The following GAB2 variants were observed in gnomAD, a reference collection of about 807,000 sequenced individuals.
GAB2 encodes the protein GRB2 associated binding protein 2.
Under a neutral mutation model 65.5 loss-of-function variants are expected in GAB2, and 26 were observed. The ratio of observed to expected loss-of-function variants is 0.40; its 90% CI spans 0.29 to 0.55. GAB2 has a LOEUF of 0.55. Ranked by LOEUF, GAB2 falls within the 20% of genes least tolerant of loss-of-function variation. GAB2 has a pLI of 0.53. For synonymous variants in GAB2, 321 were observed against 329.6 expected (o/e 0.97, Z 0.28); for missense variants, 884 against 875.8 (o/e 1.01, Z -0.12).
At chr11:78,237,652 G>T (rs1865016674) in intron 3 of GAB2, among the ~76,000 whole-genome samples, 1 of 152,088 alleles carries the variant, frequency 6.6e-6, no homozygotes, top group Non-Finnish European at 1.5e-5. Context: ...ATGTAGAAAT[G>T]AAAAATCAGT....
intron 2 of GAB2, among the ~76,000 whole-genome samples, chr11:78,258,530 A>C (rs926101104): frequency 6.6e-6 from 1 of 152,118 alleles, no homozygotes; most frequent in Admixed American, 6.5e-5. Flanking sequence ...CTCAATGAGA[A>C]ACATGTATTT....
intron 1 of GAB2, among the ~76,000 whole-genome samples, chr11:78,394,773 A>G (rs771778400): frequency 6.6e-6 from 1 of 152,160 alleles, no homozygotes; most frequent in Admixed American, 6.5e-5. Flanking sequence ...CGGCTGCCCA[A>G]TAAGCAAGTG....
Position 78,226,563 on chromosome 11 carries a change from T to G in GAB2, c.1109A>C (p.Gln370Pro). 2 of 1,498,600 alleles carry G rather than the reference T, an allele frequency of 1.3e-6. No homozygotes were observed. Among genetic ancestry groups the G allele is most frequent in the Non-Finnish European group, 1.8e-6 (2 of 1,120,718 alleles). The allele number at this position is 1,498,600 out of a possible 1,614,324, so 92.8% of individuals were successfully genotyped here. A position where few individuals can be genotyped will look rare whatever the true frequency, so the allele number is the denominator to read the frequency against. The change falls in exon 4 of 10, where the codon CAG becomes CCG. Residue 370 changes from glutamine to proline, a missense_variant. Coordinates refer to ENST00000361507, the MANE Select transcript of GAB2 (RefSeq NM_080491.3). Reference sequence around the variant, plus strand: ...ATTTTCACTGATTGGCGGTCTCTGCTGAGGACTGCCCCATCGAGGTGTTTC... The same window carrying G: ...ATTTTCACTGATTGGCGGTCTCTGCGGAGGACTGCCCCATCGAGGTGTTTC... ...QAETPRWGSP[Q>P]QRPPISENSR...
intron 2 of GAB2, among the ~76,000 whole-genome samples, chr11:78,269,327 G>A (rs944576111): frequency 2.0e-5 from 3 of 152,162 alleles, no homozygotes; most frequent in African/African-American, 4.8e-5. Context: ...AAAAGGTCAG[G>A]GAGGGAATGA....
chr11:78,305,393 A>G (rs939682214), intron 1 of GAB2, among the ~76,000 whole-genome samples: 1 of 152,224 alleles, frequency 6.6e-6, no homozygotes, highest in Non-Finnish European at 1.5e-5. Context: ...TAAAACTAAT[A>G]CAGAATGGAG....
At chr11:78,239,650 T>C (rs1442988194) in intron 3 of GAB2, among the ~76,000 whole-genome samples, 1 of 152,126 alleles carries the variant, frequency 6.6e-6, no homozygotes, top group East Asian at 1.9e-4. Context: ...CACTAGGCCT[T>C]CACCACTCCA....
At chr11:78,301,571 GA>G (rs1327659509) in intron 1 of GAB2, among the ~76,000 whole-genome samples, 4 of 152,102 alleles carry the variant, frequency 2.6e-5, no homozygotes, top group African/African-American at 7.2e-5. Context: ...GACTTCAGGT[GA>G]TCTGCCCACC....
intron 2 of GAB2, among the ~76,000 whole-genome samples, chr11:78,276,921 C>T (rs1350779265): frequency 6.6e-6 from 1 of 152,134 alleles, no homozygotes; most frequent in Non-Finnish European, 1.5e-5. Flanking sequence ...AGGTTCACGC[C>T]ATTCTCCTGC....
chr11:78,221,707 T>C lies in GAB2; in HGVS notation c.1731A>G (p.Ser577=), dbSNP rs1369604842. The C allele has an allele frequency of 7.4e-6, 12 of 1,613,074 alleles. No individual in the cohort carries two copies. The highest frequency in any genetic ancestry group is 1.3e-5 in the African/African-American group (1 of 74,866). Reference sequence around the variant, plus strand: ...GGACATAGTTCTCTTCGCTGTCTCCTGAGTCTGTGCTGGTGATGCTCTGGG... The same window carrying C: ...GGACATAGTTCTCTTCGCTGTCTCCCGAGTCTGTGCTGGTGATGCTCTGGG... The part of the protein sequence containing the change: ...ISTQSITSTD[S]GDSEENYVPM... The change falls in exon 8 of 10, where the codon TCA becomes TCG. Residue 577 remains serine (S), a synonymous_variant. Transcript: ENST00000361507.
chr11:78,395,680 G>T (rs1015805666), intron 1 of GAB2, among the ~76,000 whole-genome samples: 1 of 152,182 alleles, frequency 6.6e-6, no homozygotes, highest in Non-Finnish European at 1.5e-5. Flanking sequence ...GTTCTGACTG[G>T]AGAAAAACAC....
At position 78,280,850 on chromosome 11, in the gene GAB2, G is replaced by C. The variant is rs1156860720; in HGVS notation, c.127C>G (p.Pro43Ala). The part of the protein sequence containing the change: ...ILRSGRMSGD[P>A]DVLEYYKNDH... The stretch of plus-strand genomic sequence containing the variant: ...TTCTTGTAGTATTCCAGAACATCTG[G>C]GTCACCGCTCATCCGGCCACTCCGC... The change falls in exon 2 of 10, where the codon CCA becomes GCA. Residue 43 changes from proline (P) to alanine (A), a missense_variant. Coordinates refer to ENST00000361507, the MANE Select transcript of GAB2 (RefSeq NM_080491.3). The C allele has an allele frequency of 1.2e-6, 2 of 1,614,104 alleles. No individual in the cohort carries two copies. The highest frequency in any genetic ancestry group is 1.6e-4 in the Middle Eastern group (1 of 6,062).
At chr11:78,334,584 G>A (rs984837318) in intron 1 of GAB2, among the ~76,000 whole-genome samples, 4 of 152,202 alleles carry the variant, frequency 2.6e-5, no homozygotes, top group African/African-American at 4.8e-5. Flanking sequence ...CAAATGAGAG[G>A]ATCTCATTCT....
intron 1 of GAB2, among the ~76,000 whole-genome samples, chr11:78,358,604 A>C (rs1325477206): frequency 2.0e-5 from 3 of 151,958 alleles, no homozygotes; most frequent in African/African-American, 7.2e-5. Flanking sequence ...GTCCAGGATT[A>C]ATAATGTCCT....
chr11:78,312,378 A>G (rs1201769545), intron 1 of GAB2, among the ~76,000 whole-genome samples: 1 of 152,116 alleles, frequency 6.6e-6, no homozygotes, highest in African/African-American at 2.4e-5. Flanking sequence ...ATAAGAGTTC[A>G]TTCCATCCTT....
intron 1 of GAB2, among the ~76,000 whole-genome samples, chr11:78,337,842 A>T (rs1250844884): frequency 1.3e-5 from 2 of 152,168 alleles, no homozygotes; most frequent in East Asian, 3.8e-4. Flanking sequence ...ATTAAGTCAG[A>T]AGTAATATTA....
intron 3 of GAB2, among the ~76,000 whole-genome samples, chr11:78,241,381 A>C (rs1000062879): frequency 4.6e-5 from 7 of 152,226 alleles, no homozygotes; most frequent in Admixed American, 4.6e-4. Flanking sequence ...GACACTTAAC[A>C]TGAGGACACA....
intron 1 of GAB2, among the ~76,000 whole-genome samples, chr11:78,381,653 A>G (rs559389084): frequency 1.1e-4 from 16 of 151,064 alleles, no homozygotes; most frequent in Non-Finnish European, 1.6e-4. Context: ...ACATGTTACT[A>G]AAAACTAAAA....
Position 78,222,183 on chromosome 11 carries a change from G to A in GAB2, c.1580C>T (p.Pro527Leu). The A allele has an allele frequency of 6.2e-7, 1 of 1,613,196 alleles. No homozygotes were observed. The highest frequency in any genetic ancestry group is 8.5e-7 in the Non-Finnish European group (1 of 1,179,138). ...LKPDRKAKPT[P>L]LDLRNNTVID... ...GACGGTGTTGTTCCTCAGGTCAAGT[G>A]GTGTTGGCTTTGCTGGAGCAGGAAA... The change falls in exon 7 of 10, where the codon CCA becomes CTA. Residue 527 changes from proline (P) to leucine (L), a missense_variant. By Grantham distance (98) the Pro-to-Leu change is moderately conservative. Coordinates refer to ENST00000361507, the MANE Select transcript of GAB2 (RefSeq NM_080491.3).
chr11:78,299,888 C>G, intron 1 of GAB2, among the ~76,000 whole-genome samples: 1 of 152,156 alleles, frequency 6.6e-6, no homozygotes, highest in Non-Finnish European at 1.5e-5. Flanking sequence ...ATTCAGTATA[C>G]AGAATTAAAA....
Sources: gnomAD v4.1 joint callset for allele counts (sites outside exome capture counted in the v4.1 genomes callset) on GRCh38, gnomAD v4.1.1 for gene constraint, MANE v1.5 for transcripts, NCBI Gene and HGNC (gene_info 2026-07-23, HGNC 2026-07-21) for gene names.